The following BCL7A variants were observed in gnomAD, a reference collection of about 807,000 sequenced individuals.
BCL7A encodes the protein B-cell CLL/lymphoma 7 protein family member A.
A neutral mutation model predicts 28.4 loss-of-function variants in BCL7A; 11 were observed. That is an observed-to-expected ratio of 0.39 (90% CI 0.24 to 0.64). BCL7A has a LOEUF of 0.64. Ranked by LOEUF, BCL7A falls within the 30% of genes least tolerant of loss-of-function variation. The probability of loss-of-function intolerance (pLI) is 0.50; values close to 1 mark genes in which losing one functional copy is unlikely to be tolerated. For synonymous variants in BCL7A, 123 were observed against 103.3 expected (o/e 1.19, Z -1.15); for missense variants, 222 against 274.8 (o/e 0.81, Z 1.36).
chr12:122,041,300 T>C (rs1463723283), intron 3 of BCL7A, among the ~76,000 whole-genome samples: 1 of 152,110 alleles, frequency 6.6e-6, no homozygotes, highest in South Asian at 2.1e-4. Flanking sequence ...CCACGAGGTG[T>C]CCATAAATGC....
chr12:122,024,423 T>A (rs1883565470), intron 1 of BCL7A, among the ~76,000 whole-genome samples: 1 of 151,582 alleles, frequency 6.6e-6, no homozygotes, highest in South Asian at 2.1e-4. Flanking sequence ...GTCTGTGTTG[T>A]AAGGTGGACT....
intron 4 of BCL7A, among the ~76,000 whole-genome samples, chr12:122,045,450 C>T (rs1458539060): frequency 2.0e-5 from 3 of 152,000 alleles, no homozygotes; most frequent in Non-Finnish European, 4.4e-5. Flanking sequence ...GTGGGGGGCT[C>T]GTAAGGCCAC....
intron 5 of BCL7A, among the ~76,000 whole-genome samples, chr12:122,058,440 C>A (rs987055630): frequency 6.6e-6 from 1 of 152,226 alleles, no homozygotes; most frequent in Middle Eastern, 3.4e-3. Context: ...GGGCAGATAA[C>A]CTGAGGTCAG....
chr12:122,024,984 C>T (rs904785033), intron 1 of BCL7A, among the ~76,000 whole-genome samples: 1 of 144,858 alleles, frequency 6.9e-6, no homozygotes, highest in Admixed American at 7.1e-5. Context: ...CCGGAAAAAG[C>T]TGTGGCCTCC....
rs1179263777 is a variant in BCL7A at position 122,054,938 on chromosome 12, G to A, written c.561+12G>A. On this transcript the variant is annotated intron_variant, in intron 5 of 5. Transcript: ENST00000261822. ...CTGCAATCTCTCAGGTACCTCGCTC[G>A]AGGTCTCAGAGGGGCAGCCAGATCG... 6.2e-6 allele frequency: 10 copies of A among 1,614,198 alleles called. No homozygotes were observed. The highest frequency in any genetic ancestry group is 8.5e-6 in the Non-Finnish European group (10 of 1,180,032).
chr12:122,022,922 C>G (rs1424448466), intron 1 of BCL7A, among the ~76,000 whole-genome samples: 1 of 152,118 alleles, frequency 6.6e-6, no homozygotes, highest in African/African-American at 2.4e-5. Context: ...CTCGGGCCAG[C>G]CGATGTTTTT....
intron 4 of BCL7A, among the ~76,000 whole-genome samples, chr12:122,049,017 T>TAAAAA (rs60471036): frequency 1.1e-5 from 1 of 90,404 alleles, no homozygotes; most frequent in Non-Finnish European, 2.0e-5. Flanking sequence ...GTGAAACGTG[T>TAAAAA]AAAAAAAAAA....
Position 122,047,714 on chromosome 12 carries a change from C to T in BCL7A, c.439+3661C>T, listed in dbSNP as rs563387149. ...TAATGTTTATAGTTTTTTGTACAGACGGGGTGTTGCTATGTTGCCCAGGCT... is the reference window on the plus strand; with the variant it reads ...TAATGTTTATAGTTTTTTGTACAGATGGGGTGTTGCTATGTTGCCCAGGCT... On this transcript the variant is annotated intron_variant, in intron 4 of 5. Transcript: ENST00000261822. 1.4e-4 allele frequency among the ~76,000 whole-genome samples: 21 copies of T among 151,780 alleles called. No individual in the cohort carries two copies. In the South Asian group the frequency reaches 3.5e-3, roughly 26 times the overall value.
chr12:122,044,346 CA>C (rs201881815), intron 4 of BCL7A: 28,305 of 215,994 alleles, frequency 0.13, 1,015 homozygotes, highest in East Asian at 0.44. Flanking sequence ...TCATCTCTAC[CA>C]AAAAAAAAAA....
At chr12:122,040,954 C>A (rs10840644) in intron 3 of BCL7A, among the ~76,000 whole-genome samples, 4 of 151,970 alleles carry the variant, frequency 2.6e-5, no homozygotes, top group South Asian at 2.1e-4. Flanking sequence ...CAGCCTCTTG[C>A]GCGTGTGCTT....
At chr12:122,024,713 TAAAC>T (rs1489893929) in intron 1 of BCL7A, among the ~76,000 whole-genome samples, 2 of 152,202 alleles carry the variant, frequency 1.3e-5, no homozygotes, top group African/African-American at 4.8e-5. Context: ...GAATTTCAGA[TAAAC>T]AATGAAAGAT....
intron 4 of BCL7A, among the ~76,000 whole-genome samples, chr12:122,044,909 A>G (rs1250210934): frequency 6.6e-6 from 1 of 152,204 alleles, no homozygotes; most frequent in Non-Finnish European, 1.5e-5. Context: ...GCAGAGAATT[A>G]TAAAGTAGGA....
intron 1 of BCL7A, among the ~76,000 whole-genome samples, chr12:122,022,752 A>G (rs2135833567): frequency 6.7e-6 from 1 of 149,860 alleles, no homozygotes; most frequent in South Asian, 2.1e-4. Context: ...GAGTCTGCGG[A>G]GTTTGCAGAG....
At chr12:122,024,110 C>T (rs934831633) in intron 1 of BCL7A, among the ~76,000 whole-genome samples, 3 of 152,190 alleles carry the variant, frequency 2.0e-5, no homozygotes, top group Non-Finnish European at 2.9e-5. Flanking sequence ...GCCTTCCAGC[C>T]CGCTGACCCC....
chr12:122,055,887 G>C (rs931093577), intron 5 of BCL7A, among the ~76,000 whole-genome samples: 2 of 152,196 alleles, frequency 1.3e-5, no homozygotes, highest in Non-Finnish European at 2.9e-5. Context: ...AAAGTGCTGG[G>C]ATTACAGGCG....
rs528375495 is a variant in BCL7A at position 122,043,730 on chromosome 12, C to T, written c.272-156C>T. Among the ~76,000 whole-genome samples, 12 of 141,404 alleles carry T rather than the reference C, an allele frequency of 8.5e-5. No homozygotes were observed. The South Asian group carries it at 1.1e-3, about 13-fold the overall frequency. The allele number at this position is 141,404 out of a possible 152,430, so 92.8% of individuals were successfully genotyped here. A position where few individuals can be genotyped will look rare whatever the true frequency, so the allele number is the denominator to read the frequency against. On this transcript the variant is annotated intron_variant, in intron 3 of 5. Coordinates refer to ENST00000261822, the MANE Select transcript of BCL7A (RefSeq NM_001024808.3). ...CCAGCCTGGTTGACAGAGCGAGATC[C>T]GTCTCAAAAAAAAAAAAAACGGTAA...
At chr12:122,035,546 T>G (rs534547697) in intron 3 of BCL7A, 119 bp downstream of exon 3, 1 of 870,056 alleles carries the variant, frequency 1.1e-6, no homozygotes, top group East Asian at 2.7e-5. Flanking sequence ...GTAGGAGGGC[T>G]GGGCAGGGCC....
chr12:122,027,979 G>C (rs1883666211), intron 1 of BCL7A, among the ~76,000 whole-genome samples: 1 of 152,210 alleles, frequency 6.6e-6, no homozygotes, highest in Non-Finnish European at 1.5e-5. Flanking sequence ...GGAAACCTCA[G>C]CTGCTCCGCT....
intron 3 of BCL7A, among the ~76,000 whole-genome samples, chr12:122,039,489 AATAT>A (rs34251852): frequency 6.1e-5 from 8 of 131,568 alleles, no homozygotes; most frequent in East Asian, 4.3e-4. Context: ...CCATCTCTTA[AATAT>A]ATATATATAT....
Sources: allele counts gnomAD v4.1 joint callset (sites outside exome capture counted in the v4.1 genomes callset), GRCh38; gene constraint gnomAD v4.1.1; transcripts MANE v1.5; gene names NCBI Gene and HGNC (gene_info 2026-07-23, HGNC 2026-07-21).